Variants in ASTN2 observed in about 807,000 individuals in gnomAD.
The protein encoded by ASTN2 is astrotactin 2.
Under a neutral mutation model 139.8 loss-of-function variants are expected in ASTN2, and 54 were observed. The observed-to-expected ratio is 0.39, with a 90% CI of 0.31 to 0.48. ASTN2 has a LOEUF of 0.48. Among genes scored for constraint, ASTN2 ranks in the 20% least tolerant of loss-of-function variants. The pLI is 0.95. For synonymous variants in ASTN2, 756 were observed against 719.5 expected (o/e 1.05, Z -0.81); for missense variants, 1,565 against 1,725.1 (o/e 0.91, Z 1.64).
At chr9:116,869,769 T>G (rs923126929) in intron 10 of ASTN2, among the ~76,000 whole-genome samples, 6 of 152,084 alleles carry the variant, frequency 3.9e-5, no homozygotes, top group African/African-American at 1.2e-4. Flanking sequence ...CAAACAATCA[T>G]AGACAATATG....
At chr9:117,276,782 G>A (rs1834200967) in intron 2 of ASTN2, among the ~76,000 whole-genome samples, 1 of 152,186 alleles carries the variant, frequency 6.6e-6, no homozygotes, top group South Asian at 2.1e-4. Flanking sequence ...AGCAAACACA[G>A]GATGTGGATC....
chr9:116,436,973 A>G (rs1363915492), intron 22 of ASTN2, among the ~76,000 whole-genome samples: 3 of 150,358 alleles, frequency 2.0e-5, no homozygotes. Context: ...AAAACCAAAC[A>G]CCACATATTC....
chr9:117,148,189 C>T (rs573613498), intron 3 of ASTN2, among the ~76,000 whole-genome samples: 16 of 152,268 alleles, frequency 1.1e-4, no homozygotes, highest in African/African-American at 3.4e-4. Context: ...AAATCTCACT[C>T]GAGTTCCAGT....
chr9:116,697,486 G>C, intron 16 of ASTN2: 2 of 492,832 alleles, frequency 4.1e-6, no homozygotes, highest in Non-Finnish European at 7.4e-6. Context: ...GCAGTGTTTT[G>C]TCTGGTTTGT....
intron 10 of ASTN2, among the ~76,000 whole-genome samples, chr9:116,888,523 G>C (rs1833676224): frequency 6.6e-6 from 1 of 151,726 alleles, no homozygotes; most frequent in Non-Finnish European, 1.5e-5. Flanking sequence ...TCTTTCTTTT[G>C]TTTGTTTGTT....
chr9:116,555,421 T>C (rs1852562961), intron 19 of ASTN2, among the ~76,000 whole-genome samples: 1 of 152,070 alleles, frequency 6.6e-6, no homozygotes, highest in African/African-American at 2.4e-5. Flanking sequence ...CACTCTCAGT[T>C]TGAAATATAG....
At chr9:117,275,819 G>A (rs190728921) in intron 2 of ASTN2, among the ~76,000 whole-genome samples, 8 of 152,134 alleles carry the variant, frequency 5.3e-5, no homozygotes, top group South Asian at 4.2e-4. Context: ...ATTCGCCTGC[G>A]TTGGCCTCCC....
At position 116,646,820 on chromosome 9, in the gene ASTN2, A is replaced by G. The variant is rs767611693; in HGVS notation, c.3072+4708T>C. ...GTGCCCATGCCTGTCTGTTTGCTCT[A>G]ACTTCTCCTGGCTTCCCCATTGCCC... is the stretch of plus-strand genomic sequence containing the variant. On this transcript the variant is annotated intron_variant, in intron 17 of 22. Transcript: ENST00000313400. Among the ~76,000 whole-genome samples the G allele has an allele frequency of 3.3e-5, 5 of 152,304 alleles. No homozygotes were observed. The East Asian group carries it at 7.7e-4, about 24-fold the overall frequency.
intron 20 of ASTN2, among the ~76,000 whole-genome samples, chr9:116,456,623 C>A (rs183230253): frequency 6.6e-6 from 1 of 152,136 alleles, no homozygotes; most frequent in Non-Finnish European, 1.5e-5. Flanking sequence ...ACAGGGATGG[C>A]AGCAGGCAAA....
chr9:117,263,547 C>T (rs1480476370), intron 2 of ASTN2, among the ~76,000 whole-genome samples: 1 of 152,134 alleles, frequency 6.6e-6, no homozygotes, highest in African/African-American at 2.4e-5. Context: ...TATCGTATAG[C>T]TTCAGTCATT....
chr9:116,734,128 G>T (rs376388010), intron 13 of ASTN2, among the ~76,000 whole-genome samples: 80 of 152,234 alleles, frequency 5.3e-4, no homozygotes, highest in African/African-American at 1.8e-3. Flanking sequence ...GAGGCCTGGA[G>T]AAAGGGAATG....
At chr9:117,259,621 C>A (rs927706203) in intron 2 of ASTN2, among the ~76,000 whole-genome samples, 2 of 152,182 alleles carry the variant, frequency 1.3e-5, no homozygotes, top group African/African-American at 4.8e-5. Context: ...CTCTTTCAAC[C>A]AATTGCCAAT....
chr9:116,539,045 G>A (rs867292899), intron 19 of ASTN2, among the ~76,000 whole-genome samples: 3 of 152,116 alleles, frequency 2.0e-5, no homozygotes, highest in Admixed American at 6.6e-5. Context: ...TACATGCTAC[G>A]ACATGGACGA....
intron 16 of ASTN2, chr9:116,686,774 C>A (rs1860240837): frequency 6.4e-7 from 1 of 1,550,516 alleles, no homozygotes; most frequent in African/African-American, 1.4e-5. Flanking sequence ...GCTGAGTAGG[C>A]AAAACATTCC....
At chr9:116,534,739 T>C (rs1469786852) in intron 19 of ASTN2, among the ~76,000 whole-genome samples, 5 of 152,230 alleles carry the variant, frequency 3.3e-5, no homozygotes, top group Non-Finnish European at 5.9e-5. Context: ...TTTGTTTTAA[T>C]TCCTGTTCTT....
chr9:117,321,933 G>A (rs1828336300), intron 1 of ASTN2, among the ~76,000 whole-genome samples: 1 of 152,112 alleles, frequency 6.6e-6, no homozygotes, highest in Admixed American at 6.6e-5. Context: ...ACCTCCTGTT[G>A]AGAACTACTG....
At chr9:117,215,047 A>T (rs1340020186) in intron 2 of ASTN2, among the ~76,000 whole-genome samples, 1 of 152,178 alleles carries the variant, frequency 6.6e-6, no homozygotes, top group African/African-American at 2.4e-5. Context: ...AGCAAATCAG[A>T]TGGATAACGG....
chr9:116,575,387 T>G (rs1372344193), intron 19 of ASTN2, among the ~76,000 whole-genome samples: 1 of 152,000 alleles, frequency 6.6e-6, no homozygotes, highest in Non-Finnish European at 1.5e-5. Flanking sequence ...ATGCAACTGC[T>G]TTGGTGTGGA....
intron 10 of ASTN2, among the ~76,000 whole-genome samples, chr9:116,872,859 A>G (rs1188525077): frequency 6.6e-6 from 1 of 152,100 alleles, no homozygotes; most frequent in Non-Finnish European, 1.5e-5. Flanking sequence ...CTGGACTGTC[A>G]AGGAGGAGGT....
Sources: gnomAD v4.1 joint callset for allele counts (sites outside exome capture counted in the v4.1 genomes callset) on GRCh38, gnomAD v4.1.1 for gene constraint, MANE v1.5 for transcripts, NCBI Gene and HGNC (gene_info 2026-07-23, HGNC 2026-07-21) for gene names.